Variants in PBX1 observed in about 807,000 individuals in gnomAD.
PBX1 encodes PBX homeobox 1, also known as pre-B-cell leukemia transcription factor 1.
A neutral mutation model predicts 53.4 loss-of-function variants in PBX1; 6 were observed. That is an observed-to-expected ratio of 0.11 (90% CI 0.06 to 0.22). PBX1 has a LOEUF of 0.22. Ranked by LOEUF, PBX1 falls within the 10% of genes least tolerant of loss-of-function variation. The pLI, the probability that PBX1 is intolerant of heterozygous loss-of-function variation, is 1.00. For missense variants in PBX1, 251 were observed against 551.4 expected (o/e 0.46, Z 5.46); for synonymous variants, 204 against 212.3 (o/e 0.96, Z 0.34).
chr1:164,677,456 G>C (rs1021248028), intron 2 of PBX1, among the ~76,000 whole-genome samples: 11 of 152,072 alleles, frequency 7.2e-5, no homozygotes, highest in African/African-American at 2.4e-4. Flanking sequence ...GGTGCTGTGG[G>C]ATCCTTAAGA....
chr1:164,591,200 C>T (rs1378725395), intron 2 of PBX1, among the ~76,000 whole-genome samples: 5 of 152,060 alleles, frequency 3.3e-5, no homozygotes, highest in South Asian at 2.1e-4. Flanking sequence ...TTCGTAGAGA[C>T]GGGGTTTCAC....
rs1672345273 is a variant in PBX1 at position 164,870,329 on chromosome 1, CTTTCTTTCTTTCTT to C, written n.258-28857_258-28844del. Among the ~76,000 whole-genome samples, 3 of 103,284 alleles carry C rather than the reference CTTTCTTTCTTTCTT, an allele frequency of 2.9e-5. 1 individual carries two copies. Among genetic ancestry groups the C allele is most frequent in the African/African-American group, 4.1e-5 (1 of 24,460 alleles). 67.8% of individuals were successfully genotyped at this position (103,284 alleles called of 152,430 possible). On this transcript the variant is annotated intron_variant and non_coding_transcript_variant, in intron 2 of 2. Transcript: ENST00000558796. ...TCTTTCTTTCTTTCTTTCTTTCTTT[CTTTCTTTCTTTCTT>C]TCTTTCTTTCTTTCTTTCGAGATGA...
At chr1:164,751,639 A>G (rs1229313772) in intron 2 of PBX1, among the ~76,000 whole-genome samples, 2 of 146,992 alleles carry the variant, frequency 1.4e-5, no homozygotes, top group African/African-American at 2.6e-5. Flanking sequence ...CTAGAGTGCA[A>G]TAGGGCAATC....
chr1:164,767,100 A>T (rs1314115897), intron 2 of PBX1, among the ~76,000 whole-genome samples: 1 of 152,064 alleles, frequency 6.6e-6, no homozygotes, highest in African/African-American at 2.4e-5. Flanking sequence ...ATTTGGACCT[A>T]TTGCAAAAGA....
In PBX1 at chr1:164,697,033, A is replaced by C. The variant is rs775261616; in HGVS notation, c.266-95461A>C. Among the ~76,000 whole-genome samples the C allele has an allele frequency of 1.1e-4, 16 of 152,318 alleles. 1 individual carries two copies. The highest frequency in any genetic ancestry group is 1.3e-4 in the Non-Finnish European group (9 of 68,024). Reference sequence around the variant, plus strand: ...ATATGTCCGTCTTCTCAATACTGCAAGTGGGGATAATATCACCTACTTCAT... The same window carrying C: ...ATATGTCCGTCTTCTCAATACTGCACGTGGGGATAATATCACCTACTTCAT... On this transcript the variant is annotated intron_variant, in intron 2 of 8. Transcript: ENST00000420696.
intron 2 of PBX1, among the ~76,000 whole-genome samples, chr1:164,664,243 G>A (rs1472306684): frequency 6.6e-6 from 1 of 152,192 alleles, no homozygotes; most frequent in East Asian, 1.9e-4. Flanking sequence ...ACATTAACCA[G>A]CAGGCGGACC....
intron 2 of PBX1, among the ~76,000 whole-genome samples, chr1:164,668,739 A>G (rs899385325): frequency 1.3e-5 from 2 of 152,256 alleles, no homozygotes; most frequent in South Asian, 2.1e-4. Context: ...CCTCGCGCCA[A>G]TGTGGCAGCA....
At chr1:164,700,481 A>G in intron 2 of PBX1, 1 of 985,312 alleles carries the variant, frequency 1.0e-6, no homozygotes, top group Non-Finnish European at 1.2e-6. Flanking sequence ...TCTTAGTGGC[A>G]CCCGAAGGTT....
At chr1:164,791,057 C>T (rs1401673576) in intron 2 of PBX1, among the ~76,000 whole-genome samples, 3 of 152,174 alleles carry the variant, frequency 2.0e-5, no homozygotes, top group South Asian at 2.1e-4. Context: ...CACCGGACCC[C>T]TCTCCTCTGC....
At chr1:164,799,524 C>T (rs1335572692) in intron 3 of PBX1, among the ~76,000 whole-genome samples, 175 bp from the exon 4 acceptor site, 1 of 152,128 alleles carries the variant, frequency 6.6e-6, no homozygotes, top group African/African-American at 2.4e-5. Context: ...AAAAATTCAA[C>T]ATTATCGCCA....
chr1:164,621,953 C>T (rs1222783280), intron 2 of PBX1, among the ~76,000 whole-genome samples: 1 of 152,150 alleles, frequency 6.6e-6, no homozygotes, highest in Non-Finnish European at 1.5e-5. Flanking sequence ...TTTGATTCTT[C>T]CTCCCTGTAA....
chr1:164,811,878 A>C, intron 5 of PBX1, 112 bp from the exon 6 acceptor site: 1 of 766,022 alleles, frequency 1.3e-6, no homozygotes, highest in Non-Finnish European at 2.0e-6. Context: ...TTATTATAGG[A>C]TAAGACCAAT....
intron 2 of PBX1, among the ~76,000 whole-genome samples, chr1:164,621,262 C>A (rs934698506): frequency 6.6e-6 from 1 of 152,256 alleles, no homozygotes; most frequent in South Asian, 2.1e-4. Flanking sequence ...GCTGGAATTA[C>A]AGGCATGAGC....
At chr1:164,855,979 T>G (rs1671968131), downstream of PBX1, among the ~76,000 whole-genome samples, 1 of 152,232 alleles carries the variant, frequency 6.6e-6, no homozygotes, top group African/African-American at 2.4e-5. Context: ...GAGATTTATC[T>G]TGATTTCCAT....
chr1:164,730,256 G>A (rs1284292256), intron 2 of PBX1, among the ~76,000 whole-genome samples: 1 of 152,122 alleles, frequency 6.6e-6, no homozygotes, highest in Non-Finnish European at 1.5e-5. Flanking sequence ...CATTGTTGGG[G>A]AAAGAGATTG....
chr1:164,876,740 T>G (rs950311084), intron 2 of PBX1, among the ~76,000 whole-genome samples: 2 of 152,134 alleles, frequency 1.3e-5, no homozygotes, highest in Non-Finnish European at 1.5e-5. Flanking sequence ...TTCTTTGCAT[T>G]CTGGAGTGAG....
intron 2 of PBX1, among the ~76,000 whole-genome samples, chr1:164,646,328 A>G (rs1659450255): frequency 1.3e-5 from 2 of 152,166 alleles, no homozygotes; most frequent in African/African-American, 4.8e-5. Flanking sequence ...GTTTTTGGCA[A>G]ATTTAGGTAC....
Position 164,559,346 on chromosome 1 carries a change from G to T in PBX1, c.-477G>T, listed in dbSNP as rs892939314. 1 of 205,234 alleles carries T rather than the reference G, an allele frequency of 4.9e-6. No individual in the cohort carries two copies. The highest frequency in any genetic ancestry group is 7.4e-5 in the East Asian group (1 of 13,542). 12.7% of individuals were successfully genotyped at this position (205,234 alleles called of 1,614,324 possible). ...CCCGGAGTGGGGGTGGGGGGCAGCG[G>T]GGGGTGGGGGGGGAAAGTTTGCATT... On this transcript the variant is annotated 5_prime_UTR_variant, in exon 1 of 9. Coordinates refer to ENST00000420696, the MANE Select transcript of PBX1 (RefSeq NM_002585.4).
At chr1:164,856,270 C>T (rs1671973177), downstream of PBX1, among the ~76,000 whole-genome samples, 1 of 152,112 alleles carries the variant, frequency 6.6e-6, no homozygotes, top group South Asian at 2.1e-4. Flanking sequence ...AGAAACATTC[C>T]TTTCTGCCCT....
Sources: allele counts gnomAD v4.1 joint callset (sites outside exome capture counted in the v4.1 genomes callset), GRCh38; gene constraint gnomAD v4.1.1; transcripts MANE v1.5; gene names NCBI Gene and HGNC (gene_info 2026-07-23, HGNC 2026-07-21).